The following CHAT variants were observed in gnomAD, a reference collection of about 807,000 sequenced individuals.
CHAT encodes acetyl CoA:choline O-acetyltransferase.
Under a neutral mutation model 76.9 loss-of-function variants are expected in CHAT, and 61 were observed. The ratio of observed to expected loss-of-function variants is 0.79; its 90% CI spans 0.65 to 0.98. CHAT has a LOEUF of 0.98. Ranked by LOEUF, CHAT falls within the 50% of genes least tolerant of loss-of-function variation. The pLI, the probability that CHAT is intolerant of heterozygous loss-of-function variation, is 0.00. For missense variants in CHAT, 946 were observed against 986.9 expected (o/e 0.96, Z 0.56); for synonymous variants, 407 against 397.4 (o/e 1.02, Z -0.29).
Position 49,646,680 on chromosome 10 carries a change from C to T in CHAT, c.1281+6C>T, listed in dbSNP as rs745923819. On this transcript the variant is annotated splice_donor_region_variant and intron_variant, in intron 8 of 14. Coordinates refer to ENST00000337653, the MANE Select transcript of CHAT (RefSeq NM_020549.5). ...GGTACGACAAGTCCCTGCAGGTAAG[C>T]CGTCCAGGTGGCCCTGCAAGAGCAC... The T allele has an allele frequency of 4.3e-6, 7 of 1,613,020 alleles. No individual in the cohort carries two copies. Among genetic ancestry groups the T allele is most frequent in the Non-Finnish European group, 5.9e-6 (7 of 1,179,960 alleles).
intron 7 of CHAT, among the ~76,000 whole-genome samples, chr10:49,642,635 G>A (rs540873563): frequency 1.3e-5 from 2 of 152,214 alleles, no homozygotes; most frequent in Non-Finnish European, 2.9e-5. Flanking sequence ...CTGCATCAAG[G>A]CCTGCTCTCA....
At chr10:49,615,778 C>T in intron 1 of CHAT, 2 of 541,428 alleles carry the variant, frequency 3.7e-6, no homozygotes, top group Non-Finnish European at 6.5e-6. Context: ...CAGACTAAGG[C>T]AGGTGGCCCC....
chr10:49,611,109 G>T, upstream of CHAT: 9 of 1,614,168 alleles, frequency 5.6e-6, no homozygotes, highest in Non-Finnish European at 7.6e-6. Context: ...AAGACGTGAA[G>T]ATCGGGGTGC....
intron 8 of CHAT, among the ~76,000 whole-genome samples, chr10:49,647,670 G>A (rs1215781326): frequency 6.6e-6 from 1 of 152,196 alleles, no homozygotes; most frequent in African/African-American, 2.4e-5. Flanking sequence ...GGAGCTGTGG[G>A]GGTGAACCGA....
intron 7 of CHAT, among the ~76,000 whole-genome samples, chr10:49,632,347 A>G (rs1839154128): frequency 6.6e-6 from 1 of 152,140 alleles, no homozygotes; most frequent in Admixed American, 6.5e-5. Context: ...GGGAGCCCCC[A>G]GGGTGGTTGC....
chr10:49,624,834 A>G (rs972079481), intron 5 of CHAT, among the ~76,000 whole-genome samples: 8 of 151,794 alleles, frequency 5.3e-5, no homozygotes, highest in Non-Finnish European at 8.8e-5. Context: ...TGCTTGGTGG[A>G]TGGATGGGTG....
In CHAT at chr10:49,650,700, C is replaced by T. The variant is rs370488610; in HGVS notation, c.1511+1064C>T. ...GGGTTCTGTGCAGGGGGTATGGGGA[C>T]GCCCCTGAGGAGGCTGTGGGAAGGG... On this transcript the variant is annotated intron_variant, in intron 10 of 14. Coordinates refer to ENST00000337653, the MANE Select transcript of CHAT (RefSeq NM_020549.5). Among the ~76,000 whole-genome samples, 28 of 152,196 alleles carry T rather than the reference C, an allele frequency of 1.8e-4. No individual in the cohort carries two copies. The East Asian group carries it at 2.9e-3, about 16-fold the overall frequency.
chr10:49,635,298 C>T (rs1839259212), intron 7 of CHAT, among the ~76,000 whole-genome samples: 1 of 152,170 alleles, frequency 6.6e-6, no homozygotes, highest in African/African-American at 2.4e-5. Flanking sequence ...AGTGATATTC[C>T]ATGGTGCTAG....
chr10:49,647,001 A>C, intron 8 of CHAT: 1 of 424,976 alleles, frequency 2.4e-6, no homozygotes. Context: ...CACCCATCAC[A>C]CCTGTGAGGT....
At position 49,614,294 on chromosome 10, in the gene CHAT, C is replaced by A; in HGVS notation, c.105C>A (p.Cys35Ter). ...GAAGGAGAGAAGTGCGGCCAGCTTG[C>A]TTTCTCCAGTCGGGTGGCCGCGGGG... is the stretch of plus-strand genomic sequence containing the variant. ...TRGRREVRPA[C>*]FLQSGGRGDP... is the part of the protein sequence containing the mutation. Residue 35 changes from cysteine (C) to a stop codon, truncating the protein, a stop_gained, in exon 1 of 15, where the codon TGC (cysteine) becomes TGA (stop). Transcript: ENST00000337653. LOFTEE classifies it high-confidence loss of function. 6.5e-7 allele frequency: 1 copy of A among 1,548,510 alleles called. No homozygotes were observed. The highest frequency in any genetic ancestry group is 8.7e-7 in the Non-Finnish European group (1 of 1,146,566).
chr10:49,665,463 G>A lies in CHAT; in HGVS notation c.*417G>A, dbSNP rs1450768374. 1.3e-5 allele frequency among the ~76,000 whole-genome samples: 2 copies of A among 152,240 alleles called. No homozygotes were observed. Among genetic ancestry groups the A allele is most frequent in the Non-Finnish European group, 1.5e-5 (1 of 68,020 alleles). ...ACATGCAACGTACCTAATGAGTTAG[G>A]AAGGAAGAGGCTAACTCCAGGTCAT... On this transcript the variant is annotated 3_prime_UTR_variant, in exon 15 of 15. Transcript: ENST00000337653.
intron 1 of CHAT, chr10:49,615,914 G>T: frequency 3.3e-6 from 3 of 900,154 alleles, no homozygotes; most frequent in Non-Finnish European, 1.8e-6. Flanking sequence ...GAGTCTCCCT[G>T]CCCTGGCCAC....
chr10:49,664,701 C>T, intron 14 of CHAT, 76 bp from the exon 15 acceptor site: 1 of 1,581,830 alleles, frequency 6.3e-7, no homozygotes, highest in Non-Finnish European at 8.7e-7. Flanking sequence ...AGGTGGAAAA[C>T]AGAGAAGCCA....
Position 49,641,196 on chromosome 10 carries a change from C to T in CHAT, c.1112-5309C>T, listed in dbSNP as rs1839469840. Among the ~76,000 whole-genome samples the T allele has an allele frequency of 1.3e-5, 2 of 152,198 alleles. 1 individual carries two copies. Among genetic ancestry groups the T allele is most frequent in the South Asian group, 4.1e-4 (2 of 4,830 alleles). On this transcript the variant is annotated intron_variant, in intron 7 of 14. Coordinates refer to ENST00000337653, the MANE Select transcript of CHAT (RefSeq NM_020549.5). ...ATTAAGACCTTATTTAACTTTATCT[C>T]TGTAAAGGCCCTCCCTCCAAATAGA...
At position 49,655,443 on chromosome 10, in the gene CHAT, G is replaced by A; in HGVS notation, c.1834G>A (p.Val612Ile). The A allele has an allele frequency of 6.2e-7, 1 of 1,613,872 alleles. No homozygotes were observed. The highest frequency in any genetic ancestry group is 2.2e-5 in the East Asian group (1 of 44,890). Residue 612 changes from valine to isoleucine, a missense_variant, in exon 13 of 15, where the codon GTC becomes ATC. Coordinates refer to ENST00000337653, the MANE Select transcript of CHAT (RefSeq NM_020549.5). The stretch of plus-strand genomic sequence containing the variant: ...CATCCGTGCCCAGACTGCATACACA[G>A]TCATGGTGAGTGACGTCGCACCACC... ...DAIRAQTAYT[V>I]MAITGMAIDN...
intron 4 of CHAT, 131 bp from the exon 5 acceptor site, chr10:49,621,966 G>T: frequency 2.2e-6 from 2 of 913,860 alleles, no homozygotes; most frequent in Non-Finnish European, 3.5e-6. Context: ...GGAGGGAGGA[G>T]GGAGGGAGAA....
chr10:49,652,864 A>C (rs1590616994), intron 11 of CHAT, among the ~76,000 whole-genome samples: 1 of 146,784 alleles, frequency 6.8e-6, no homozygotes, highest in Admixed American at 6.8e-5. Context: ...CAGGGTCACC[A>C]CCCTCCACAC....
chr10:49,661,073 G>T (rs1251565362), intron 13 of CHAT, among the ~76,000 whole-genome samples: 2 of 152,210 alleles, frequency 1.3e-5, no homozygotes, highest in African/African-American at 4.8e-5. Flanking sequence ...CACAAGGACT[G>T]AGTCTACAAC....
At chr10:49,620,413 G>A (rs978707893) in intron 3 of CHAT, 82 bp from the exon 4 acceptor site, 1 of 915,518 alleles carries the variant, frequency 1.1e-6, no homozygotes, top group Admixed American at 1.7e-5. Context: ...ATGCTCTGGT[G>A]AAGTGTCCCG....
Sources: gnomAD v4.1 joint callset for allele counts (sites outside exome capture counted in the v4.1 genomes callset) on GRCh38, gnomAD v4.1.1 for gene constraint, MANE v1.5 for transcripts, NCBI Gene and HGNC (gene_info 2026-07-23, HGNC 2026-07-21) for gene names.